ADAMTS5: variants seen among roughly 807,000 people sequenced by gnomAD.
ADAMTS5 encodes ADAM metallopeptidase with thrombospondin type 1 motif 5.
A neutral mutation model predicts 81.4 loss-of-function variants in ADAMTS5; 54 were observed. That is an observed-to-expected ratio of 0.66 (90% confidence interval 0.53 to 0.83). ADAMTS5 has a LOEUF of 0.83. ADAMTS5 is among the 40% of genes least tolerant of loss of function. The pLI, the probability that ADAMTS5 is intolerant of heterozygous loss-of-function variation, is 0.00. For missense variants in ADAMTS5, 1,194 were observed against 1,229.9 expected (o/e 0.97, Z 0.44); for synonymous variants, 532 against 508.8 (o/e 1.05, Z -0.61).
At chr21:26,936,422 A>T (rs1009525902) in intron 3 of ADAMTS5, among the ~76,000 whole-genome samples, 2 of 152,230 alleles carry the variant, frequency 1.3e-5, no homozygotes, top group African/African-American at 4.8e-5. Flanking sequence ...ACAGCCTTTT[A>T]GATGTACTAC....
chr21:26,938,532 T>G (rs1293353258), intron 3 of ADAMTS5, among the ~76,000 whole-genome samples: 1 of 152,146 alleles, frequency 6.6e-6, no homozygotes, highest in Non-Finnish European at 1.5e-5. Context: ...GTTGTTTTTT[T>G]GTTTTGTTTT....
intron 2 of ADAMTS5, among the ~76,000 whole-genome samples, chr21:26,947,814 T>C (rs926310152): frequency 2.0e-5 from 3 of 152,236 alleles, no homozygotes; most frequent in African/African-American, 7.2e-5. Flanking sequence ...CTATTCTTAA[T>C]TGATGTTAAA....
At chr21:26,924,729 GTCT>G (rs1986776361) in intron 7 of ADAMTS5, 109 bp from the exon 8 acceptor site, 3 of 953,664 alleles carry the variant, frequency 3.1e-6, no homozygotes, top group East Asian at 4.8e-5. Flanking sequence ...TCTCTAAAAA[GTCT>G]TCTCTTAACA....
intron 2 of ADAMTS5, among the ~76,000 whole-genome samples, chr21:26,946,835 G>T (rs911748749): frequency 6.6e-6 from 1 of 152,162 alleles, no homozygotes; most frequent in Non-Finnish European, 1.5e-5. Flanking sequence ...GGATGGAATC[G>T]AGAAATCCAC....
At chr21:26,933,329 T>G (rs777608857) in intron 4 of ADAMTS5, among the ~76,000 whole-genome samples, 18 of 152,172 alleles carry the variant, frequency 1.2e-4, no homozygotes, top group Non-Finnish European at 2.2e-4. Flanking sequence ...CTACGGACCA[T>G]TGTAAATTAT....
chr21:26,965,350 G>A lies in ADAMTS5; in HGVS notation c.1042C>T (p.His348Tyr). 1.2e-6 allele frequency: 2 copies of A among 1,614,258 alleles called. No homozygotes were observed. Among genetic ancestry groups the A allele is most frequent in the Non-Finnish European group, 1.7e-6 (2 of 1,180,042 alleles). ...TCATGGTCATCTCCCAGCTGGTTGT[G>A]TTGGTGCTGCCACTTGCAAAAGTTC... ...LKNFCKWQHQHNQLGDDHEEH... is the reference protein window; with the variant it reads ...LKNFCKWQHQYNQLGDDHEEH... The change falls in exon 1 of 8, where the codon CAC becomes TAC. Residue 348 changes from histidine (H) to tyrosine (Y), a missense_variant. By Grantham distance (83) the His-to-Tyr change is moderately conservative (BLOSUM62 2). Coordinates refer to ENST00000284987, the MANE Select transcript of ADAMTS5 (RefSeq NM_007038.5).
chr21:26,950,195 C>T (rs148218312), intron 2 of ADAMTS5, among the ~76,000 whole-genome samples: 80 of 152,260 alleles, frequency 5.3e-4, no homozygotes, highest in Non-Finnish European at 6.3e-4. Context: ...AGCAAAGCTT[C>T]GGCATGTTTG....
At chr21:26,942,457 T>C (rs229051) in intron 3 of ADAMTS5, among the ~76,000 whole-genome samples, 74,460 of 151,954 alleles carry the variant, frequency 0.49, 19,910 homozygotes, top group Non-Finnish European at 0.61. Context: ...TTTAGAAACA[T>C]AAATTTTAAG....
intron 1 of ADAMTS5, among the ~76,000 whole-genome samples, chr21:26,964,616 A>T (rs1987600453): frequency 1.3e-5 from 2 of 152,108 alleles, no homozygotes; most frequent in South Asian, 4.1e-4. Flanking sequence ...TTGTTAAGGA[A>T]CCTCACAAGT....
Position 26,923,450 on chromosome 21 carries a change from A to T in ADAMTS5, c.*603T>A, listed in dbSNP as rs1019306043. On this transcript the variant is annotated 3_prime_UTR_variant, in exon 8 of 8. Coordinates refer to ENST00000284987, the MANE Select transcript of ADAMTS5 (RefSeq NM_007038.5). Reference sequence around the variant, plus strand: ...CTGTCAAAATGGTTTTTTGACTGAAATTTTATCTCCTGTAGTCAGAAAATA... The same window carrying T: ...CTGTCAAAATGGTTTTTTGACTGAATTTTTATCTCCTGTAGTCAGAAAATA... 2.6e-5 allele frequency: 4 copies of T among 152,464 alleles called. No homozygotes were observed. The East Asian group carries it at 7.7e-4, about 29-fold the overall frequency. 9.4% of individuals were successfully genotyped at this position (152,464 alleles called of 1,614,324 possible). A position where few individuals can be genotyped will look rare whatever the true frequency, so the allele number is the denominator to read the frequency against.
chr21:26,940,771 C>T (rs1323819978), intron 3 of ADAMTS5, among the ~76,000 whole-genome samples: 5 of 152,072 alleles, frequency 3.3e-5, no homozygotes, highest in South Asian at 2.1e-4. Flanking sequence ...CTTTGTTATT[C>T]TATCATCTTG....
At chr21:26,954,574 TC>T (rs1432758481) in intron 2 of ADAMTS5, among the ~76,000 whole-genome samples, 164 bp downstream of exon 2, 1 of 152,230 alleles carries the variant, frequency 6.6e-6, no homozygotes, top group Non-Finnish European at 1.5e-5. Context: ...GCCTTCCCTG[TC>T]GCTCGTATTA....
intron 4 of ADAMTS5, among the ~76,000 whole-genome samples, chr21:26,933,969 C>T (rs540346583): frequency 1.4e-4 from 21 of 152,276 alleles, no homozygotes; most frequent in African/African-American, 5.1e-4. Flanking sequence ...TAGTGGCAGA[C>T]GTGTTTCCCC....
intron 2 of ADAMTS5, among the ~76,000 whole-genome samples, chr21:26,944,817 G>C (rs1372641035): frequency 6.6e-6 from 1 of 152,058 alleles, no homozygotes; most frequent in Non-Finnish European, 1.5e-5. Flanking sequence ...GGGCCAACTT[G>C]TTAAATCACC....
rs1986699241 is a variant in ADAMTS5 at position 26,921,612 on chromosome 21, T to C, written c.*2441A>G. On this transcript the variant is annotated 3_prime_UTR_variant, in exon 8 of 8. Transcript: ENST00000284987. ...TTCCCTTTGTTCACAATTCGTGGTA[T>C]CTATTGAACACTCCATTTCTCTGAA... is the stretch of plus-strand genomic sequence containing the variant. 6.6e-6 allele frequency: 1 copy of C among 152,516 alleles called. No individual in the cohort carries two copies. The highest frequency in any genetic ancestry group is 1.5e-5 in the Non-Finnish European group (1 of 67,948). 9.4% of individuals were successfully genotyped at this position (152,516 alleles called of 1,614,324 possible). A position where few individuals can be genotyped will look rare whatever the true frequency, so the allele number is the denominator to read the frequency against.
chr21:26,951,542 G>A (rs1987315527), intron 2 of ADAMTS5, among the ~76,000 whole-genome samples: 1 of 151,716 alleles, frequency 6.6e-6, no homozygotes, highest in Admixed American at 6.6e-5. Flanking sequence ...AGCCAGGTGT[G>A]GTGGTTGGTG....
intron 4 of ADAMTS5, 69 bp from the exon 5 acceptor site, chr21:26,933,113 T>A (rs1986946857): frequency 6.8e-7 from 1 of 1,467,344 alleles, no homozygotes; most frequent in Non-Finnish European, 9.2e-7. Context: ...CATTTGGAAA[T>A]CACCTGCATT....
chr21:26,933,857 C>A (rs190082675), intron 4 of ADAMTS5, among the ~76,000 whole-genome samples: 1 of 152,168 alleles, frequency 6.6e-6, no homozygotes, highest in Non-Finnish European at 1.5e-5. Context: ...TAATTCTCTT[C>A]TAGGGACTTT....
At chr21:26,931,703 A>T in intron 6 of ADAMTS5, among the ~76,000 whole-genome samples, 1 of 152,296 alleles carries the variant, frequency 6.6e-6, no homozygotes, top group East Asian at 1.9e-4. Context: ...AGTTGTTTTC[A>T]TGGTTACTTT....
Sources: allele counts gnomAD v4.1 joint callset (sites outside exome capture counted in the v4.1 genomes callset), GRCh38; gene constraint gnomAD v4.1.1; transcripts MANE v1.5; gene names NCBI Gene and HGNC (gene_info 2026-07-23, HGNC 2026-07-21).